Variants in CYTH4 observed in about 807,000 individuals in gnomAD.
The protein encoded by CYTH4 is cytohesin 4.
CYTH4 carries 22 observed loss-of-function variants against 57.5 expected under a neutral mutation model. The observed-to-expected ratio is 0.38, with a 90% confidence interval of 0.27 to 0.55. The LOEUF (loss-of-function observed/expected upper bound fraction) is 0.55, where lower values mean the gene tolerates loss of function less well. Ranked by LOEUF, CYTH4 falls within the 20% of genes least tolerant of loss-of-function variation. CYTH4 has a pLI of 0.74. For synonymous variants in CYTH4, 186 were observed against 206.5 expected (o/e 0.90, Z 0.85); for missense variants, 420 against 535.6 (o/e 0.78, Z 2.13).
chr22:37,293,473 G>A (rs1236382071), intron 2 of CYTH4, among the ~76,000 whole-genome samples: 1 of 152,246 alleles, frequency 6.6e-6, no homozygotes, highest in East Asian at 1.9e-4. Flanking sequence ...TGCATCCCCA[G>A]CCCGCTGGGT....
chr22:37,311,187 C>T lies in CYTH4; in HGVS notation c.885+123C>T. The T allele has an allele frequency of 1.8e-6, 2 of 1,142,114 alleles. No homozygotes were observed. The highest frequency in any genetic ancestry group is 1.3e-6 in the Non-Finnish European group (1 of 772,832). 70.7% of individuals were successfully genotyped at this position (1,142,114 alleles called of 1,614,324 possible). ...TCCTTTGAGATCATTCAGTCCCCCTCCATGCCCATTTTACAGATGGGGAAA... is the reference window on the plus strand; with the variant it reads ...TCCTTTGAGATCATTCAGTCCCCCTTCATGCCCATTTTACAGATGGGGAAA... On this transcript the variant is annotated intron_variant, in intron 10 of 12. Coordinates refer to ENST00000248901, the MANE Select transcript of CYTH4 (RefSeq NM_013385.5). The surrounding 1 kb of genome is among the most constrained non-coding windows in gnomAD (Gnocchi z 4.4).
At chr22:37,291,333 A>C (rs1483718234) in intron 1 of CYTH4, among the ~76,000 whole-genome samples, 1 of 152,190 alleles carries the variant, frequency 6.6e-6, no homozygotes, top group Non-Finnish European at 1.5e-5. Context: ...TAATCTCAAC[A>C]GCCACAATGC....
intron 8 of CYTH4, among the ~76,000 whole-genome samples, chr22:37,304,474 T>C (rs776015124): frequency 1.3e-5 from 2 of 152,054 alleles, no homozygotes; most frequent in African/African-American, 2.4e-5. Flanking sequence ...CTTCAAGGAC[T>C]GAAGATTCCC....
chr22:37,309,372 C>T (rs756471561), intron 9 of CYTH4, 49 bp downstream of exon 9: 18 of 1,526,742 alleles, frequency 1.2e-5, no homozygotes, highest in African/African-American at 4.1e-5. Flanking sequence ...CATGCACGCG[C>T]GGGCACACAT....
In CYTH4 at chr22:37,286,188, G is replaced by A. The variant is rs141340625; in HGVS notation, c.19+3600G>A. ...ACCCCGTCAGAAACCCAGATTTAGCGTCCGACGGGTGTTTGATGGTTCGTA... is the reference window on the plus strand; with the variant it reads ...ACCCCGTCAGAAACCCAGATTTAGCATCCGACGGGTGTTTGATGGTTCGTA... On this transcript the variant is annotated intron_variant, in intron 1 of 12. Transcript: ENST00000248901. Among the ~76,000 whole-genome samples the A allele has an allele frequency of 6.6e-4, 101 of 152,208 alleles. No individual in the cohort carries two copies. In the East Asian group the frequency reaches 0.016, roughly 24 times the overall value.
At chr22:37,286,108 G>T (rs919114948) in intron 1 of CYTH4, among the ~76,000 whole-genome samples, 5 of 100,930 alleles carry the variant, frequency 5.0e-5, no homozygotes, top group Non-Finnish European at 1.1e-4. Context: ...GCAGGGGTTG[G>T]GTGGGGGCAA....
At chr22:37,308,889 T>C (rs2145870038) in intron 8 of CYTH4, among the ~76,000 whole-genome samples, 1 of 152,176 alleles carries the variant, frequency 6.6e-6, no homozygotes, top group South Asian at 2.1e-4. Context: ...TGTGCACGTG[T>C]GTGTGTGTAA....
At chr22:37,287,642 C>T (rs4239887) in intron 1 of CYTH4, among the ~76,000 whole-genome samples, 75,814 of 151,868 alleles carry the variant, frequency 0.5, 21,221 homozygotes, top group South Asian at 0.78. Context: ...ACACAGGTGG[C>T]CCCTTACACC....
chr22:37,284,248 C>A (rs531602762), intron 1 of CYTH4, among the ~76,000 whole-genome samples: 4 of 152,158 alleles, frequency 2.6e-5, no homozygotes, highest in African/African-American at 9.7e-5. Context: ...ACTCTACAAA[C>A]GACCTTCCAG....
At chr22:37,289,049 C>A (rs1419736835) in intron 1 of CYTH4, among the ~76,000 whole-genome samples, 2 of 152,166 alleles carry the variant, frequency 1.3e-5, no homozygotes, top group Non-Finnish European at 2.9e-5. Flanking sequence ...CGTGTCGACT[C>A]CAGACAAGAT....
Position 37,299,750 on chromosome 22 carries a change from T to C in CYTH4, c.434+444T>C, listed in dbSNP as rs189013308. 3.6e-3 allele frequency among the ~76,000 whole-genome samples: 547 copies of C among 152,334 alleles called. 5 individuals are homozygous for C. The highest frequency in any genetic ancestry group is 4.5e-3 in the Non-Finnish European group (307 of 68,038). On this transcript the variant is annotated intron_variant, in intron 6 of 12. Transcript: ENST00000248901. ...CCAATTATCAGTTTGAAGCACAAAC[T>C]CTGGAGCCAGACTATACAGTTCAAA...
At chr22:37,301,047 C>T (rs764259266) in intron 7 of CYTH4, 28 bp downstream of exon 7, 1 of 1,587,036 alleles carries the variant, frequency 6.3e-7, no homozygotes, top group East Asian at 2.2e-5. Flanking sequence ...GGACCCAGGG[C>T]TCCGGGACCC....
At position 37,298,435 on chromosome 22, in the gene CYTH4, G is replaced by A. The variant is rs1341248921; in HGVS notation, c.353+753G>A. 6.3e-6 allele frequency: 1 copy of A among 159,730 alleles called. No homozygotes were observed. Among genetic ancestry groups the A allele is most frequent in the Non-Finnish European group, 1.4e-5 (1 of 72,682 alleles). The allele number at this position is 159,730 out of a possible 1,614,324, so 9.9% of individuals were successfully genotyped here. A position where few individuals can be genotyped will look rare whatever the true frequency, so the allele number is the denominator to read the frequency against. ...AGACATGCTGGGGACCATAGGTTGG[G>A]GGCTGTGATTTAGAATAGCGTGGAC... On this transcript the variant is annotated intron_variant, in intron 5 of 12. Transcript: ENST00000248901. This position sits in a 1 kb window ranked among gnomAD's most constrained non-coding sequence, Gnocchi z 4.1.
intron 5 of CYTH4, 79 bp from the exon 6 acceptor site, chr22:37,299,147 C>A: frequency 9.5e-7 from 1 of 1,054,590 alleles, no homozygotes; most frequent in South Asian, 1.3e-5. Context: ...TCTCCCTCCC[C>A]CACCTCAACC....
intron 8 of CYTH4, among the ~76,000 whole-genome samples, 159 bp downstream of exon 8, chr22:37,303,561 G>A (rs930909235): frequency 4.6e-5 from 7 of 152,140 alleles, no homozygotes; most frequent in Non-Finnish European, 7.4e-5. Flanking sequence ...GAGAGGCACC[G>A]TCACAAAGCG....
In CYTH4 at chr22:37,299,206, C is replaced by A. The variant is rs778335924; in HGVS notation, c.354-20C>A. The A allele has an allele frequency of 6.5e-7, 1 of 1,541,906 alleles. No individual in the cohort carries two copies. ...AAGTATCCAAGTGTGTCCCACCCTC[C>A]CTTCCGCCTCCTCCCCCAGGGATCC... On this transcript the variant is annotated intron_variant, in intron 5 of 12. Coordinates refer to ENST00000248901, the MANE Select transcript of CYTH4 (RefSeq NM_013385.5).
At chr22:37,299,342 G>A (rs772249770) in intron 6 of CYTH4, 36 bp downstream of exon 6, 31 of 1,587,538 alleles carry the variant, frequency 2.0e-5, no homozygotes, top group Non-Finnish European at 2.6e-5. Flanking sequence ...GGCCCTCAAG[G>A]GTGGCACAGC....
At chr22:37,312,450 C>G (rs1224660563) in intron 12 of CYTH4, among the ~76,000 whole-genome samples, 1 of 152,250 alleles carries the variant, frequency 6.6e-6, no homozygotes, top group Non-Finnish European at 1.5e-5. Context: ...CCGCCCTTGC[C>G]TGGCACGTGG....
intron 4 of CYTH4, chr22:37,296,748 T>C (rs915875278): frequency 1.3e-5 from 2 of 153,116 alleles, no homozygotes; most frequent in Non-Finnish European, 2.9e-5. Context: ...TACAGACCCT[T>C]GGACTCCTGC....
Sources: gnomAD v4.1 joint callset for allele counts (sites outside exome capture counted in the v4.1 genomes callset) on GRCh38, gnomAD v4.1.1 for gene constraint, Gnocchi (gnomAD v3.1) non-coding constraint, MANE v1.5 for transcripts, NCBI Gene and HGNC (gene_info 2026-07-23, HGNC 2026-07-21) for gene names.